NBPF15: variants seen among roughly 807,000 people sequenced by gnomAD.
NBPF15 encodes NBPF family member NBPF15.
Under a neutral mutation model 62.2 loss-of-function variants are expected in NBPF15, and 74 were observed. The ratio of observed to expected loss-of-function variants is 1.19; its 90% CI spans 0.99 to 1.44. The LOEUF is 1.44. Among genes scored for constraint, NBPF15 ranks in the 40% most tolerant of loss-of-function variants. NBPF15 has a pLI of 0.00. For missense variants in NBPF15, 790 were observed against 550.0 expected (o/e 1.44, Z -4.36); for synonymous variants, 244 against 209.7 (o/e 1.16, Z -1.41).
chr1:144,440,050 A>T lies in NBPF15; in HGVS notation c.-35-12T>A. 1 of 1,575,850 alleles carries T rather than the reference A, an allele frequency of 6.3e-7. No homozygotes were observed. The highest frequency in any genetic ancestry group is 8.7e-7 in the Non-Finnish European group (1 of 1,147,032). ...GGTGGAGTCAGGGACTGGGGAGAAGAAACCCAAACATATGATGGGTTAAAA... is the reference window on the plus strand; with the variant it reads ...GGTGGAGTCAGGGACTGGGGAGAAGTAACCCAAACATATGATGGGTTAAAA... On this transcript the variant is annotated splice_polypyrimidine_tract_variant and intron_variant, in intron 7 of 21. Coordinates refer to ENST00000581897, the MANE Select transcript of NBPF15 (RefSeq NM_001385408.1).
chr1:144,428,248 G>T (rs1402617054), intron 15 of NBPF15, among the ~76,000 whole-genome samples: 1,023 of 143,004 alleles, frequency 7.2e-3, no homozygotes, highest in African/African-American at 0.029. Context: ...GTGACACACT[G>T]ATGAGGGAAT....
chr1:144,426,561 A>G (rs1553539305), intron 17 of NBPF15, 111 bp from the exon 18 acceptor site: 1 of 728,332 alleles, frequency 1.4e-6, no homozygotes, highest in Non-Finnish European at 2.6e-6. Context: ...AAAAGGACGG[A>G]TCCATTAATG....
chr1:144,423,796 C>A, intron 21 of NBPF15, 74 bp downstream of exon 21: 3 of 735,896 alleles, frequency 4.1e-6, no homozygotes, highest in Middle Eastern at 3.8e-4. Flanking sequence ...ACATCAAACA[C>A]ACTCTGGTTT....
chr1:144,429,384 C>G lies in NBPF15; in HGVS notation c.988+316G>C, dbSNP rs1432187837. Among the ~76,000 whole-genome samples the G allele has an allele frequency of 4.6e-5, 7 of 151,318 alleles. 1 individual carries two copies. Among genetic ancestry groups the G allele is most frequent in the Non-Finnish European group, 8.8e-5 (6 of 67,986 alleles). ...AGACATTTAATTCAGATGAGCTGAG[C>G]TGACAGACAGCTCCTGGGCATGTGC... On this transcript the variant is annotated intron_variant, in intron 14 of 21. Coordinates refer to ENST00000581897, the MANE Select transcript of NBPF15 (RefSeq NM_001385408.1).
intron 4 of NBPF15, among the ~76,000 whole-genome samples, chr1:144,452,091 G>T (rs1195979134): frequency 7.3e-5 from 11 of 151,586 alleles, no homozygotes; most frequent in African/African-American, 2.7e-4. Flanking sequence ...GGTGGAGGTT[G>T]CAGTGAGCTG....
chr1:144,456,677 T>C lies in NBPF15; in HGVS notation c.-572A>G. 2 of 1,439,980 alleles carry C rather than the reference T, an allele frequency of 1.4e-6. No individual in the cohort carries two copies. Among genetic ancestry groups the C allele is most frequent in the East Asian group, 5.4e-5 (2 of 37,136 alleles). 89.2% of individuals were successfully genotyped at this position (1,439,980 alleles called of 1,614,324 possible). ...GTGGGAGTTGGTGGCAGCCCCAGCG[T>C]GGAGGCCAAGAACACACAGCACTGA... On this transcript the variant is annotated 5_prime_UTR_variant, in exon 4 of 22. Transcript: ENST00000581897.
At position 144,422,683 on chromosome 1, in the gene NBPF15, G is replaced by T; in HGVS notation, c.*330C>A. 1.2e-5 allele frequency: 6 copies of T among 483,822 alleles called. No individual in the cohort carries two copies. Among genetic ancestry groups the T allele is most frequent in the Non-Finnish European group, 2.2e-5 (6 of 268,868 alleles). The allele number at this position is 483,822 out of a possible 1,614,324, so 30.0% of individuals were successfully genotyped here. On this transcript the variant is annotated 3_prime_UTR_variant, in exon 22 of 22. Coordinates refer to ENST00000581897, the MANE Select transcript of NBPF15 (RefSeq NM_001385408.1). ...ACAAAGATGACAATGACCTTGAGCA[G>T]GTATAGAAGCTCAGAGACATGCCTG...
intron 4 of NBPF15, among the ~76,000 whole-genome samples, 172 bp from the exon 5 acceptor site, chr1:144,451,042 A>G (rs144515077): frequency 0.027 from 4,127 of 152,072 alleles, 192 homozygotes; most frequent in African/African-American, 0.093. Context: ...GACCCATGCC[A>G]GCACTGGCCT....
In NBPF15 at chr1:144,437,215, G is replaced by A. The variant is rs1553541482; in HGVS notation, c.279-106C>T. On this transcript the variant is annotated intron_variant, in intron 9 of 21. Coordinates refer to ENST00000581897, the MANE Select transcript of NBPF15 (RefSeq NM_001385408.1). ...ACAATGTCCTCAAGGAGACCTCGAA[G>A]CAGAAGGTCAGCACATGTTTAAAGG... 4.3e-6 allele frequency: 5 copies of A among 1,168,920 alleles called. No individual in the cohort carries two copies. The Admixed American group carries it at 5.1e-5, about 12-fold the overall frequency. 72.4% of individuals were successfully genotyped at this position (1,168,920 alleles called of 1,614,324 possible). A position where few individuals can be genotyped will look rare whatever the true frequency, so the allele number is the denominator to read the frequency against.
chr1:144,422,730 T>C lies in NBPF15; in HGVS notation c.*283A>G, dbSNP rs1469818870. 9.5e-5 allele frequency: 60 copies of C among 633,140 alleles called. No individual in the cohort carries two copies. Among genetic ancestry groups the C allele is most frequent in the African/African-American group, 7.4e-4 (39 of 52,964 alleles). 39.2% of individuals were successfully genotyped at this position (633,140 alleles called of 1,614,324 possible). On this transcript the variant is annotated 3_prime_UTR_variant, in exon 22 of 22. Coordinates refer to ENST00000581897, the MANE Select transcript of NBPF15 (RefSeq NM_001385408.1). ...CCTGCAAAATGAAATCCCTGAGGAA[T>C]TTTGTAGCTACCCAGAGATACGTGG...
chr1:144,437,256 G>T, intron 9 of NBPF15, 147 bp from the exon 10 acceptor site: 3 of 837,582 alleles, frequency 3.6e-6, no homozygotes, highest in Non-Finnish European at 4.1e-6. Flanking sequence ...CTGTGGCCAA[G>T]AGAAAGAATA....
At position 144,423,932 on chromosome 1, in the gene NBPF15, T is replaced by A. The variant is rs1667618355; in HGVS notation, c.1707A>T (p.Arg569Ser). Residue 569 changes from arginine to serine, a missense_variant, in exon 21 of 22, where the codon AGA (arginine) becomes AGT (serine). By Grantham distance (110) the Arg-to-Ser change is moderately radical. Transcript: ENST00000581897. ...KGKGKKRRGRRSKKKRRRGRK... is the reference protein window; with the variant it reads ...KGKGKKRRGRSSKKKRRRGRK... Reference sequence around the variant, plus strand: ...TTCCCCTTCTTCTTTTCTTCTTTGATCTTCTTCCCCTTCTTTTCTTCCCCT... The same window carrying A: ...TTCCCCTTCTTCTTTTCTTCTTTGAACTTCTTCCCCTTCTTTTCTTCCCCT... The A allele has an allele frequency of 2.5e-6, 2 of 790,304 alleles. No individual in the cohort carries two copies. Among genetic ancestry groups the A allele is most frequent in the African/African-American group, 1.7e-5 (1 of 59,612 alleles). 49.0% of individuals were successfully genotyped at this position (790,304 alleles called of 1,614,324 possible).
At chr1:144,451,626 C>G (rs1553545548) in intron 4 of NBPF15, among the ~76,000 whole-genome samples, 4 of 151,788 alleles carry the variant, frequency 2.6e-5, no homozygotes, top group African/African-American at 9.7e-5. Context: ...TGACTCTTAA[C>G]AAGCATGCTG....
In NBPF15 at chr1:144,424,082, A is replaced by C. The variant is rs1282824361; in HGVS notation, c.1664-107T>G. On this transcript the variant is annotated intron_variant, in intron 20 of 21. Transcript: ENST00000581897. Reference sequence around the variant, plus strand: ...GGGACCTCAGGCTCCTCAGCATAAGAATACGACACCATGAGAGATATATTT... The same window carrying C: ...GGGACCTCAGGCTCCTCAGCATAAGCATACGACACCATGAGAGATATATTT... 7 of 757,172 alleles carry C rather than the reference A, an allele frequency of 9.2e-6. No individual in the cohort carries two copies. The East Asian group carries it at 1.7e-4, about 19-fold the overall frequency. 46.9% of individuals were successfully genotyped at this position (757,172 alleles called of 1,614,324 possible).
intron 12 of NBPF15, among the ~76,000 whole-genome samples, chr1:144,434,147 G>A (rs1234886235): frequency 3.5e-4 from 52 of 150,294 alleles, no homozygotes; most frequent in Non-Finnish European, 5.6e-4. Flanking sequence ...GCTGCAATAC[G>A]GACTTATATC....
chr1:144,453,662 AGT>A (rs1692644722), intron 4 of NBPF15, among the ~76,000 whole-genome samples: 1 of 86,840 alleles, frequency 1.2e-5, no homozygotes. Flanking sequence ...AAAAAAAAAA[AGT>A]GAAACATCTG....
rs1359762456 is a variant in NBPF15 at position 144,422,813 on chromosome 1, G to A, written c.*200C>T. On this transcript the variant is annotated 3_prime_UTR_variant, in exon 22 of 22. Coordinates refer to ENST00000581897, the MANE Select transcript of NBPF15 (RefSeq NM_001385408.1). ...GCATGTTCTGCACAGTTATGTGAAC[G>A]TGTCACACCTAACATGGGTCCATTG... 30 of 1,318,912 alleles carry A rather than the reference G, an allele frequency of 2.3e-5. 1 individual carries two copies. Among genetic ancestry groups the A allele is most frequent in the East Asian group, 1.2e-4 (5 of 43,192 alleles). 81.7% of individuals were successfully genotyped at this position (1,318,912 alleles called of 1,614,324 possible). A position where few individuals can be genotyped will look rare whatever the true frequency, so the allele number is the denominator to read the frequency against.
In NBPF15 at chr1:144,438,044, T is replaced by C; in HGVS notation, c.179A>G (p.Tyr60Cys). 1 of 1,611,372 alleles carries C rather than the reference T, an allele frequency of 6.2e-7. No individual in the cohort carries two copies. The highest frequency in any genetic ancestry group is 8.5e-7 in the Non-Finnish European group (1 of 1,179,834). The change falls in exon 9 of 22, where the codon TAT becomes TGT. Residue 60 changes from tyrosine to cysteine, a missense_variant. Transcript: ENST00000581897. ...TTTTATGAGATCTTTGCACTCTTCATATTCTGAGAAAAGACAGACACGCCT... is the reference window on the plus strand; with the variant it reads ...TTTTATGAGATCTTTGCACTCTTCACATTCTGAGAAAAGACAGACACGCCT... Reference protein sequence around the residue: ...FLANRQKKYKYEECKDLIKFM... With the variant: ...FLANRQKKYKCEECKDLIKFM...
chr1:144,428,495 A>G, intron 15 of NBPF15, 111 bp downstream of exon 15: 1 of 854,420 alleles, frequency 1.2e-6, no homozygotes, highest in Admixed American at 1.7e-5. Context: ...GGCATAATTC[A>G]GACTTGTCTG....
Sources: gnomAD v4.1 joint callset for allele counts (sites outside exome capture counted in the v4.1 genomes callset) on GRCh38, gnomAD v4.1.1 for gene constraint, MANE v1.5 for transcripts, NCBI Gene and HGNC (gene_info 2026-07-23, HGNC 2026-07-21) for gene names.